Variants in ARID5B observed in about 807,000 individuals in gnomAD.
The protein encoded by ARID5B is AT-rich interaction domain 5B, also known as AT-rich interactive domain-containing protein 5B.
In ARID5B, 13 loss-of-function variants were observed where a neutral mutation model predicts 97.2. That is an observed-to-expected ratio of 0.13 (90% CI 0.09 to 0.21). The LOEUF (loss-of-function observed/expected upper bound fraction) is 0.21. ARID5B is among the 10% of genes least tolerant of loss of function. ARID5B has a pLI of 1.00. For missense variants in ARID5B, 1,210 were observed against 1,465.3 expected, an observed-to-expected ratio of 0.83 and a Z score of 2.84; for synonymous variants, 556 against 570.3, an observed-to-expected ratio of 0.97 and a Z score of 0.36.
rs752254563 is a variant in ARID5B at position 62,000,877 on chromosome 10, T to A, written c.733+556T>A. The stretch of plus-strand genomic sequence containing the variant: ...GATAGATAGATAGATAGATAGATGA[T>A]AGGTGATAGATATCCATGTCCTGAA... On this transcript the variant is annotated intron_variant, in intron 4 of 9. Coordinates refer to ENST00000279873, the MANE Select transcript of ARID5B (RefSeq NM_032199.3). The surrounding 1 kb of genome is among the most constrained non-coding windows in gnomAD (Gnocchi z 4.4). Among the ~76,000 whole-genome samples the A allele has an allele frequency of 7.1e-6, 1 of 141,470 alleles. No homozygotes were observed. The allele number at this position is 141,470 out of a possible 152,430, so 92.8% of individuals were successfully genotyped here. A position where few individuals can be genotyped will look rare whatever the true frequency, so the allele number is the denominator to read the frequency against.
intron 4 of ARID5B, among the ~76,000 whole-genome samples, chr10:62,018,406 G>A (rs555468438): frequency 5.9e-5 from 9 of 152,190 alleles, no homozygotes; most frequent in South Asian, 2.1e-4. Context: ...GCCTTCCTTC[G>A]TCACCACAGA....
At chr10:61,911,873 G>A (rs1843810962) in intron 2 of ARID5B, among the ~76,000 whole-genome samples, 1 of 152,080 alleles carries the variant, frequency 6.6e-6, no homozygotes, top group African/African-American at 2.4e-5. Context: ...TTTTTAGCAT[G>A]AGCTGGACAA....
At chr10:62,048,149 G>T (rs976942244) in intron 4 of ARID5B, among the ~76,000 whole-genome samples, 1 of 152,222 alleles carries the variant, frequency 6.6e-6, no homozygotes, top group Non-Finnish European at 1.5e-5. Context: ...AGTATACCAC[G>T]TGTGAGGTTG....
At position 62,093,673 on chromosome 10, in the gene ARID5B, T is replaced by A. The variant is rs976982586; in HGVS notation, c.*643T>A. 7.0e-5 allele frequency: 16 copies of A among 228,934 alleles called. No homozygotes were observed. Among genetic ancestry groups the A allele is most frequent in the Non-Finnish European group, 1.3e-4 (15 of 116,292 alleles). 14.2% of individuals were successfully genotyped at this position (228,934 alleles called of 1,614,324 possible). On this transcript the variant is annotated 3_prime_UTR_variant, in exon 10 of 10. Transcript: ENST00000279873. The stretch of plus-strand genomic sequence containing the variant: ...CGTCTTTTTTTTTTTTTTTTTTTTT[T>A]TTTTTATTAAATGGTATTGCTTTTG...
rs148926535 is a variant in ARID5B at position 62,039,662 on chromosome 10, G to C, written c.734-11226G>C. 1.3e-3 allele frequency among the ~76,000 whole-genome samples: 191 copies of C among 152,288 alleles called. 1 individual carries two copies. Among genetic ancestry groups the C allele is most frequent in the African/African-American group, 4.5e-3 (189 of 41,552 alleles). On this transcript the variant is annotated intron_variant, in intron 4 of 9. Coordinates refer to ENST00000279873, the MANE Select transcript of ARID5B (RefSeq NM_032199.3). Reference sequence around the variant, plus strand: ...TGGGACACAGGGCAAACTGAGCACCGGGCAGCCGCCTTCTCAGTGATGCCT... The same window carrying C: ...TGGGACACAGGGCAAACTGAGCACCCGGCAGCCGCCTTCTCAGTGATGCCT...
At chr10:62,068,900 T>A (rs545383914) in intron 7 of ARID5B, among the ~76,000 whole-genome samples, 2 of 152,212 alleles carry the variant, frequency 1.3e-5, no homozygotes, top group Non-Finnish European at 2.9e-5. Flanking sequence ...AAGACCATAG[T>A]GTGCAGCTCA....
intron 4 of ARID5B, among the ~76,000 whole-genome samples, chr10:62,005,749 A>G (rs1839137499): frequency 6.6e-6 from 1 of 152,248 alleles, no homozygotes; most frequent in Non-Finnish European, 1.5e-5. Context: ...AATTTGAAGC[A>G]TAAAGGATGA....
At chr10:61,926,825 C>T (rs546163192) in intron 2 of ARID5B, among the ~76,000 whole-genome samples, 3 of 152,156 alleles carry the variant, frequency 2.0e-5, no homozygotes, top group South Asian at 2.1e-4. Flanking sequence ...GGGGTTTCAT[C>T]GTGTTGGCCA....
At chr10:62,037,735 A>G (rs1251416176) in intron 4 of ARID5B, among the ~76,000 whole-genome samples, 2 of 152,232 alleles carry the variant, frequency 1.3e-5, no homozygotes, top group African/African-American at 4.8e-5. Context: ...AAGAAAGGGT[A>G]TTTCAGCTTG....
chr10:62,006,676 G>A (rs1839150831), intron 4 of ARID5B, among the ~76,000 whole-genome samples: 1 of 152,206 alleles, frequency 6.6e-6, no homozygotes, highest in Admixed American at 6.5e-5. Flanking sequence ...CAAAAGTAGA[G>A]CAAGAGAGAA....
chr10:61,952,863 TG>T (rs1169611257), intron 3 of ARID5B, among the ~76,000 whole-genome samples: 3 of 152,140 alleles, frequency 2.0e-5, no homozygotes, highest in Non-Finnish European at 2.9e-5. Context: ...TGTGTGTGTG[TG>T]TGTGTGGACA....
intron 4 of ARID5B, among the ~76,000 whole-genome samples, chr10:62,021,367 G>C (rs1385795259): frequency 5.9e-5 from 9 of 152,198 alleles, no homozygotes; most frequent in East Asian, 3.9e-4. Context: ...GTGTGCAAAG[G>C]CATCTTTAAA....
chr10:62,010,328 C>A (rs1839200018), intron 4 of ARID5B, among the ~76,000 whole-genome samples: 1 of 152,180 alleles, frequency 6.6e-6, no homozygotes, highest in African/African-American at 2.4e-5. Flanking sequence ...TTATGTGTTA[C>A]TCAGTACTTT....
intron 9 of ARID5B, among the ~76,000 whole-genome samples, chr10:62,089,566 T>C (rs1443158894): frequency 6.7e-6 from 1 of 148,584 alleles, no homozygotes; most frequent in Admixed American, 6.8e-5. Context: ...ACACTCTTGT[T>C]GCCCAAGCTA....
At chr10:61,920,592 TC>T (rs1451754105) in intron 2 of ARID5B, among the ~76,000 whole-genome samples, 2 of 151,996 alleles carry the variant, frequency 1.3e-5, no homozygotes, top group East Asian at 3.8e-4. Flanking sequence ...TGCCTTGGCC[TC>T]CCAAATAAAA....
intron 1 of ARID5B, 96 bp downstream of exon 1, chr10:61,901,826 A>T: frequency 1.6e-6 from 1 of 622,816 alleles, no homozygotes; most frequent in Non-Finnish European, 2.4e-6. Context: ...CACACCCCCC[A>T]CAAACTTTTC....
chr10:61,926,139 A>G (rs1360024758), intron 2 of ARID5B, among the ~76,000 whole-genome samples: 1 of 152,236 alleles, frequency 6.6e-6, no homozygotes, highest in East Asian at 1.9e-4. Flanking sequence ...CTGACAACAG[A>G]AAATTCTTTA....
chr10:61,922,542 G>T (rs1213084602), intron 2 of ARID5B, among the ~76,000 whole-genome samples: 3 of 152,244 alleles, frequency 2.0e-5, no homozygotes, highest in African/African-American at 7.2e-5. Context: ...GGTGGAGGTT[G>T]CAGTGAGCCG....
chr10:61,905,364 G>A (rs1420794963), intron 2 of ARID5B, among the ~76,000 whole-genome samples: 5 of 151,340 alleles, frequency 3.3e-5, no homozygotes, highest in South Asian at 2.1e-4. Context: ...ATGTAAAGAC[G>A]TCAGTTCTAA....
Sources: gnomAD v4.1 joint callset for allele counts (sites outside exome capture counted in the v4.1 genomes callset) on GRCh38, gnomAD v4.1.1 for gene constraint, Gnocchi (gnomAD v3.1) non-coding constraint, MANE v1.5 for transcripts, NCBI Gene and HGNC (gene_info 2026-07-23, HGNC 2026-07-21) for gene names.